Variants in ASCC2 observed in about 807,000 individuals in gnomAD.
The protein encoded by ASCC2 is activating signal cointegrator 1 complex subunit 2.
A neutral mutation model predicts 93.5 loss-of-function variants in ASCC2; 42 were observed. The observed-to-expected ratio is 0.45, with a 90% CI of 0.35 to 0.58. ASCC2 has a LOEUF of 0.58. Among genes scored for constraint, ASCC2 ranks in the 20% least tolerant of loss-of-function variants. ASCC2 has a pLI of 0.00. For synonymous variants in ASCC2, 364 were observed against 384.2 expected (o/e 0.95, Z 0.62); for missense variants, 859 against 977.6 (o/e 0.88, Z 1.62).
intron 15 of ASCC2, among the ~76,000 whole-genome samples, chr22:29,798,103 T>C (rs1479161613): frequency 1.3e-5 from 2 of 152,172 alleles, no homozygotes; most frequent in Non-Finnish European, 2.9e-5. Flanking sequence ...CAGGGCACCA[T>C]GGAATGGTCC....
At chr22:29,805,857 A>G (rs2059611924) in intron 12 of ASCC2, among the ~76,000 whole-genome samples, 1 of 150,864 alleles carries the variant, frequency 6.6e-6, no homozygotes. Context: ...GTGAGGCGCC[A>G]CCTCTGGTTT....
At position 29,793,341 on chromosome 22, in the gene ASCC2, AC is replaced by A; in HGVS notation, c.1919+18del. On this transcript the variant is annotated intron_variant, in intron 17 of 19. Transcript: ENST00000307790. ...GAGAGCTGCTCTGCCCTGGAACGCC[AC>A]CCCCACTATGGCCTCACCTGCGGCT... The A allele has an allele frequency of 6.2e-7, 1 of 1,612,180 alleles. No individual in the cohort carries two copies.
At chr22:29,833,850 G>A (rs2063446441) in intron 1 of ASCC2, among the ~76,000 whole-genome samples, 1 of 151,262 alleles carries the variant, frequency 6.6e-6, no homozygotes, top group South Asian at 2.1e-4. Flanking sequence ...TTAATGATAT[G>A]AAGAGCTCCT....
chr22:29,817,888 T>C (rs533834547), intron 5 of ASCC2, among the ~76,000 whole-genome samples: 4 of 152,136 alleles, frequency 2.6e-5, no homozygotes, highest in Non-Finnish European at 4.4e-5. Flanking sequence ...CCAGGGTGAA[T>C]GGAGATACTG....
chr22:29,806,223 A>T lies in ASCC2; in HGVS notation c.1153T>A (p.Ser385Thr). The stretch of plus-strand genomic sequence containing the variant: ...GCTATGGTAGAAGGATACAAGACTG[A>T]TGAGGCCTGCTGCAGCAAGCTGATG... ...EDISLLQQAS[S>T]VLDETRTAYI... is the part of the protein sequence containing the mutation. Residue 385 changes from serine to threonine, a missense_variant, in exon 12 of 20, where the codon TCA becomes ACA. Physicochemically the swap from Ser to Thr is moderately conservative, Grantham distance 58 (BLOSUM62 1). Transcript: ENST00000307790. The T allele has an allele frequency of 1.2e-6, 2 of 1,614,088 alleles. No individual in the cohort carries two copies. The highest frequency in any genetic ancestry group is 1.7e-6 in the Non-Finnish European group (2 of 1,179,998).
intron 12 of ASCC2, 143 bp from the exon 13 acceptor site, chr22:29,804,973 T>TGGGCTGCATGGAAAAATGGGCC: frequency 1.2e-6 from 1 of 810,350 alleles, no homozygotes. Context: ...CACGGGCACC[T>TGGGCTGCATGGAAAAATGGGCC]GGGCTGCATG....
chr22:29,834,966 C>T (rs746564892), intron 1 of ASCC2, among the ~76,000 whole-genome samples: 15 of 152,132 alleles, frequency 9.9e-5, no homozygotes, highest in Non-Finnish European at 1.9e-4. Flanking sequence ...CAGGCTCGCC[C>T]GCTGAAGATG....
At chr22:29,789,503 T>C (rs2068643588) in intron 19 of ASCC2, among the ~76,000 whole-genome samples, 1 of 152,194 alleles carries the variant, frequency 6.6e-6, no homozygotes, top group Non-Finnish European at 1.5e-5. Flanking sequence ...TCTCCTCCTT[T>C]CTCCCTCTGG....
chr22:29,837,934 C>A (rs550137218), intron 1 of ASCC2, among the ~76,000 whole-genome samples: 2 of 152,220 alleles, frequency 1.3e-5, no homozygotes, highest in Non-Finnish European at 2.9e-5. Flanking sequence ...AACTGAAGCC[C>A]CGGGTGTGAG....
chr22:29,805,475 G>A, intron 12 of ASCC2, among the ~76,000 whole-genome samples: 1 of 152,104 alleles, frequency 6.6e-6, no homozygotes, highest in Admixed American at 6.5e-5. Context: ...TCTTCCCTGG[G>A]CCAGACAGAG....
chr22:29,833,899 T>TA (rs2063463221), intron 1 of ASCC2, among the ~76,000 whole-genome samples: 1 of 146,946 alleles, frequency 6.8e-6, no homozygotes, highest in African/African-American at 2.5e-5. Flanking sequence ...TTTTTTTAAA[T>TA]AGAGACGGGG....
At chr22:29,808,049 G>A (rs1601955727) in intron 9 of ASCC2, 62 bp downstream of exon 9, 2 of 1,551,358 alleles carry the variant, frequency 1.3e-6, no homozygotes, top group East Asian at 4.5e-5. Context: ...CCCAGGGAAG[G>A]CAGGGCCCTG....
At chr22:29,808,902 T>C (rs1166443075) in intron 8 of ASCC2, among the ~76,000 whole-genome samples, 1 of 151,840 alleles carries the variant, frequency 6.6e-6, no homozygotes, top group Non-Finnish European at 1.5e-5. Context: ...GTGGATTACT[T>C]AGAGGTCAGG....
intron 6 of ASCC2, among the ~76,000 whole-genome samples, chr22:29,815,689 T>C (rs2060764019): frequency 1.3e-5 from 2 of 152,250 alleles, no homozygotes. Context: ...AGCTACTTTT[T>C]GAGAAACACT....
chr22:29,834,541 A>G, intron 1 of ASCC2: 1 of 471,060 alleles, frequency 2.1e-6, no homozygotes, highest in South Asian at 1.5e-5. Flanking sequence ...CTCTGCATAC[A>G]CGAGGTGGCC....
intron 8 of ASCC2, among the ~76,000 whole-genome samples, chr22:29,809,598 G>T (rs1458787252): frequency 6.6e-6 from 1 of 151,912 alleles, no homozygotes; most frequent in African/African-American, 2.4e-5. Flanking sequence ...TGGCCAACAT[G>T]GGAAACTCTG....
intron 12 of ASCC2, among the ~76,000 whole-genome samples, chr22:29,805,363 CCCT>C (rs2059552818): frequency 6.6e-6 from 1 of 152,194 alleles, no homozygotes; most frequent in African/African-American, 2.4e-5. Context: ...CCCTTAGACT[CCCT>C]CACTGCTTCT....
Position 29,825,312 on chromosome 22 carries a change from G to A in ASCC2, c.241-55C>T. The A allele has an allele frequency of 2.7e-6, 4 of 1,494,376 alleles. No homozygotes were observed. Among genetic ancestry groups the A allele is most frequent in the Non-Finnish European group, 3.6e-6 (4 of 1,116,534 alleles). The allele number at this position is 1,494,376 out of a possible 1,614,324, so 92.6% of individuals were successfully genotyped here. A position where few individuals can be genotyped will look rare whatever the true frequency, so the allele number is the denominator to read the frequency against. ...TTTATCCCTTAGGCCCCAGGGGCTT[G>A]TGGGTGGACTGTGCAGGGACTCAAT... On this transcript the variant is annotated intron_variant, in intron 3 of 19. Transcript: ENST00000307790. The surrounding 1 kb of genome is among the most constrained non-coding windows in gnomAD (Gnocchi z 4.9).
intron 2 of ASCC2, among the ~76,000 whole-genome samples, chr22:29,827,824 C>A (rs1961926): frequency 4.0e-5 from 4 of 100,856 alleles, no homozygotes; most frequent in Admixed American, 2.0e-4. Flanking sequence ...CACACACACA[C>A]ACACACATAC....
Sources: gnomAD v4.1 joint callset for allele counts (sites outside exome capture counted in the v4.1 genomes callset) on GRCh38, gnomAD v4.1.1 for gene constraint, Gnocchi (gnomAD v3.1) non-coding constraint, MANE v1.5 for transcripts, NCBI Gene and HGNC (gene_info 2026-07-23, HGNC 2026-07-21) for gene names.